Variants in SORCS3 observed in about 807,000 individuals in gnomAD.
The protein encoded by SORCS3 is VPS10 domain-containing receptor SorCS3.
A neutral mutation model predicts 146.3 loss-of-function variants in SORCS3; 57 were observed. The ratio of observed to expected loss-of-function variants is 0.39; its 90% CI spans 0.31 to 0.49. The LOEUF is 0.49. SORCS3 is among the 20% of genes least tolerant of loss of function. The pLI is 0.92. For synonymous variants in SORCS3, 653 were observed against 618.5 expected (o/e 1.06, Z -0.83); for missense variants, 1,341 against 1,575.5 (o/e 0.85, Z 2.52).
chr10:104,646,441 C>T (rs1437733008), intron 1 of SORCS3, among the ~76,000 whole-genome samples: 5 of 152,160 alleles, frequency 3.3e-5, no homozygotes, highest in Non-Finnish European at 7.3e-5. Context: ...ATTGCTTTTT[C>T]TTTGGGCTGT....
At chr10:105,127,106 T>C (rs1222784957) in intron 7 of SORCS3, among the ~76,000 whole-genome samples, 1 of 152,132 alleles carries the variant, frequency 6.6e-6, no homozygotes, top group African/African-American at 2.4e-5. Flanking sequence ...TTTTTAAACA[T>C]GATTAACGTT....
intron 5 of SORCS3, among the ~76,000 whole-genome samples, chr10:105,086,305 G>A (rs1347722098): frequency 6.6e-6 from 1 of 152,174 alleles, no homozygotes; most frequent in Non-Finnish European, 1.5e-5. Context: ...AAAGGGTACT[G>A]AGCAGACCCA....
intron 1 of SORCS3, among the ~76,000 whole-genome samples, chr10:104,668,056 G>T (rs1371495671): frequency 6.6e-6 from 1 of 152,176 alleles, no homozygotes; most frequent in Non-Finnish European, 1.5e-5. Flanking sequence ...AAGTGGGCAG[G>T]TTGGTCTCAA....
chr10:104,873,565 G>A (rs985756087), intron 2 of SORCS3, among the ~76,000 whole-genome samples: 21 of 152,150 alleles, frequency 1.4e-4, no homozygotes, highest in Non-Finnish European at 2.2e-4. Context: ...CCTTTTGGGG[G>A]CAGAGCACCA....
chr10:105,240,921 C>A (rs1156956925), intron 20 of SORCS3, among the ~76,000 whole-genome samples: 4 of 110,372 alleles, frequency 3.6e-5, no homozygotes, highest in Middle Eastern at 9.3e-3. Flanking sequence ...TATACACACA[C>A]ATATACACAC....
At chr10:104,737,731 TTC>T (rs1356719787) in intron 1 of SORCS3, among the ~76,000 whole-genome samples, 4 of 152,022 alleles carry the variant, frequency 2.6e-5, no homozygotes, top group African/African-American at 9.7e-5. Flanking sequence ...GGGTTGCCTG[TTC>T]ACTCTGATGG....
intron 1 of SORCS3, among the ~76,000 whole-genome samples, chr10:104,716,660 C>G (rs2016483332): frequency 6.6e-6 from 1 of 152,186 alleles, no homozygotes; most frequent in African/African-American, 2.4e-5. Flanking sequence ...CACGTTTAGT[C>G]AGCAGGCAGT....
chr10:104,928,528 C>G (rs896954159), intron 3 of SORCS3, among the ~76,000 whole-genome samples: 1 of 131,566 alleles, frequency 7.6e-6, no homozygotes, highest in African/African-American at 3.6e-5. Flanking sequence ...AGAAATGACT[C>G]GATTTTTTTT....
At chr10:104,758,859 G>C (rs1050157592) in intron 1 of SORCS3, among the ~76,000 whole-genome samples, 1 of 152,154 alleles carries the variant, frequency 6.6e-6, no homozygotes, top group African/African-American at 2.4e-5. Flanking sequence ...ACAGTTCTGA[G>C]TTGACCCAGA....
chr10:104,789,701 GA>G (rs199804018), intron 1 of SORCS3, among the ~76,000 whole-genome samples: 6,593 of 152,150 alleles, frequency 0.043, 148 homozygotes, highest in Admixed American at 0.054. Context: ...TGTTTAGTCA[GA>G]AAAAAAACTT....
intron 2 of SORCS3, among the ~76,000 whole-genome samples, chr10:104,866,169 AG>A (rs1400600099): frequency 2.0e-5 from 3 of 152,190 alleles, no homozygotes; most frequent in African/African-American, 7.2e-5. Context: ...CAGGTACTTG[AG>A]GGTTTGAAGT....
intron 16 of SORCS3, among the ~76,000 whole-genome samples, chr10:105,206,992 C>T (rs1649437833): frequency 1.3e-5 from 2 of 152,086 alleles, no homozygotes; most frequent in Non-Finnish European, 1.5e-5. Context: ...GCCCCTGCAG[C>T]TTGTCTGGAA....
intron 7 of SORCS3, among the ~76,000 whole-genome samples, chr10:105,125,820 G>T (rs2055969974): frequency 6.6e-6 from 1 of 152,082 alleles, no homozygotes; most frequent in Non-Finnish European, 1.5e-5. Context: ...ACGTTTCTGA[G>T]TCCCTACTTT....
chr10:104,659,261 A>G (rs985349506), intron 1 of SORCS3, among the ~76,000 whole-genome samples: 1 of 152,162 alleles, frequency 6.6e-6, no homozygotes, highest in Non-Finnish European at 1.5e-5. Context: ...TAATTCAGAG[A>G]CAATATTTAG....
chr10:105,156,108 G>C (rs1455408719), intron 9 of SORCS3, among the ~76,000 whole-genome samples: 1 of 152,134 alleles, frequency 6.6e-6, no homozygotes, highest in Non-Finnish European at 1.5e-5. Flanking sequence ...GGAAGAATGG[G>C]GGATAAATAC....
At chr10:105,206,074 T>G (rs969605422) in intron 16 of SORCS3, among the ~76,000 whole-genome samples, 3 of 152,298 alleles carry the variant, frequency 2.0e-5, no homozygotes, top group Admixed American at 1.3e-4. Flanking sequence ...AATCTAGTGG[T>G]TCCCCAGAGT....
intron 7 of SORCS3, among the ~76,000 whole-genome samples, chr10:105,116,261 A>G (rs1416647853): frequency 1.3e-5 from 2 of 152,178 alleles, no homozygotes; most frequent in Non-Finnish European, 2.9e-5. Context: ...GTGACCTGCT[A>G]TCACCTTGCC....
chr10:104,701,356 T>C (rs1030599054), intron 1 of SORCS3, among the ~76,000 whole-genome samples: 1 of 152,236 alleles, frequency 6.6e-6, no homozygotes, highest in Non-Finnish European at 1.5e-5. Flanking sequence ...AAAGGAATAT[T>C]AGTGGCAAAA....
At chr10:104,728,535 G>A (rs928651425) in intron 1 of SORCS3, among the ~76,000 whole-genome samples, 1 of 152,196 alleles carries the variant, frequency 6.6e-6, no homozygotes, top group African/African-American at 2.4e-5. Flanking sequence ...TTAGGACAGT[G>A]AGAGTAGAAC....
Sources: gnomAD v4.1 joint callset for allele counts (sites outside exome capture counted in the v4.1 genomes callset) on GRCh38, gnomAD v4.1.1 for gene constraint, MANE v1.5 for transcripts, NCBI Gene and HGNC (gene_info 2026-07-23, HGNC 2026-07-21) for gene names.